Variants in DCAF10 observed in about 807,000 individuals in gnomAD.
The protein encoded by DCAF10 is DDB1- and CUL4-associated factor 10.
In DCAF10, 19 loss-of-function variants were observed where a neutral mutation model predicts 51.9. The ratio of observed to expected loss-of-function variants is 0.37; its 90% CI spans 0.26 to 0.54. The LOEUF (loss-of-function observed/expected upper bound fraction) is 0.54. Among genes scored for constraint, DCAF10 ranks in the 20% least tolerant of loss-of-function variants. The pLI is 0.87. For synonymous variants in DCAF10, 291 were observed against 297.1 expected, an observed-to-expected ratio of 0.98 and a Z score of 0.21; for missense variants, 510 against 730.6, an observed-to-expected ratio of 0.70 and a Z score of 3.48.
chr9:37,828,613 C>A (rs746466105), intron 2 of DCAF10, among the ~76,000 whole-genome samples: 1 of 152,086 alleles, frequency 6.6e-6, no homozygotes, highest in Admixed American at 6.6e-5. Context: ...TTATATAGAA[C>A]AGCAAGAGCG....
chr9:37,852,930 T>TTTTATATATA (rs1486538659), intron 3 of DCAF10, among the ~76,000 whole-genome samples: 6 of 109,814 alleles, frequency 5.5e-5, no homozygotes, highest in Non-Finnish European at 1.1e-4. Flanking sequence ...GTATGTGAGG[T>TTTTATATATA]TATATATATA....
chr9:37,823,423 A>G (rs1829762700), intron 2 of DCAF10, among the ~76,000 whole-genome samples: 2 of 152,216 alleles, frequency 1.3e-5, no homozygotes, highest in East Asian at 3.8e-4. Flanking sequence ...CAGGTTTCTC[A>G]TTAGCAATAG....
Position 37,842,975 on chromosome 9 carries a change from T to C in DCAF10, c.851+689T>C, listed in dbSNP as rs146839742. Reference sequence around the variant, plus strand: ...GCCTGCTTTGCTAGCTATGGTGAAATGATAATATAGTAAACACACCATGAT... The same window carrying C: ...GCCTGCTTTGCTAGCTATGGTGAAACGATAATATAGTAAACACACCATGAT... On this transcript the variant is annotated intron_variant, in intron 3 of 6. Coordinates refer to ENST00000377724, the MANE Select transcript of DCAF10 (RefSeq NM_024345.5). Among the ~76,000 whole-genome samples, 6 of 152,332 alleles carry C rather than the reference T, an allele frequency of 3.9e-5. No individual in the cohort carries two copies. In the East Asian group the frequency reaches 5.8e-4, roughly 15 times the overall value.
intron 2 of DCAF10, among the ~76,000 whole-genome samples, chr9:37,839,587 A>C (rs562809609): frequency 2.7e-4 from 41 of 152,292 alleles, no homozygotes; most frequent in Non-Finnish European, 4.4e-4. Context: ...TAATCACCAT[A>C]GAATAAATCC....
intron 1 of DCAF10, among the ~76,000 whole-genome samples, chr9:37,809,776 T>C (rs1302570032): frequency 1.3e-5 from 2 of 152,070 alleles, no homozygotes; most frequent in African/African-American, 4.8e-5. Flanking sequence ...GAGGTTGCAG[T>C]GAGCCAAGAC....
chr9:37,806,533 C>A (rs1589073018), intron 1 of DCAF10, among the ~76,000 whole-genome samples: 1 of 152,198 alleles, frequency 6.6e-6, no homozygotes, highest in Non-Finnish European at 1.5e-5. Context: ...CCTTTGGGAA[C>A]TACAGCCCCG....
chr9:37,817,182 TA>T (rs955365905), intron 1 of DCAF10, among the ~76,000 whole-genome samples: 2 of 152,298 alleles, frequency 1.3e-5, no homozygotes, highest in East Asian at 1.9e-4. Context: ...ATGTATCTTT[TA>T]AAAAAATATG....
rs1385944403 is a variant in DCAF10 at position 37,862,628 on chromosome 9, T to G, written c.*1120T>G. ...TGGATATCAAGACTAAGTGCTGATA[T>G]GAAGACTTGCCTTTGTGTTTTGTTA... On this transcript the variant is annotated 3_prime_UTR_variant, in exon 7 of 7. Transcript: ENST00000377724. The G allele has an allele frequency of 6.6e-6, 1 of 152,220 alleles. No individual in the cohort carries two copies. Among genetic ancestry groups the G allele is most frequent in the Non-Finnish European group, 1.5e-5 (1 of 68,036 alleles). The allele number at this position is 152,220 out of a possible 1,614,324, so 9.4% of individuals were successfully genotyped here.
intron 1 of DCAF10, among the ~76,000 whole-genome samples, chr9:37,812,977 A>C (rs1262577103): frequency 6.6e-6 from 1 of 152,234 alleles, no homozygotes; most frequent in Non-Finnish European, 1.5e-5. Flanking sequence ...TCATCCAGGA[A>C]GTAATAATTA....
chr9:37,817,182 T>A (rs911807984), intron 1 of DCAF10, among the ~76,000 whole-genome samples: 2 of 152,180 alleles, frequency 1.3e-5, no homozygotes, highest in African/African-American at 4.8e-5. Flanking sequence ...ATGTATCTTT[T>A]AAAAAAATAT....
chr9:37,821,559 T>C (rs1829701352), intron 2 of DCAF10, among the ~76,000 whole-genome samples: 1 of 152,166 alleles, frequency 6.6e-6, no homozygotes, highest in African/African-American at 2.4e-5. Context: ...CAAATGGTGC[T>C]AGGATAATTG....
At chr9:37,809,426 T>G (rs1390664548) in intron 1 of DCAF10, among the ~76,000 whole-genome samples, 4 of 150,094 alleles carry the variant, frequency 2.7e-5, no homozygotes, top group Non-Finnish European at 5.9e-5. Flanking sequence ...ATTAGTGAAA[T>G]TTTAAAAACC....
rs770292432 is a variant in DCAF10, at chr9:37,863,325, CAAAAAAAAAAAAA to C, written c.*1829_*1841del. 7.0e-5 allele frequency: 4 copies of C among 57,426 alleles called. No individual in the cohort carries two copies. Among genetic ancestry groups the C allele is most frequent in the African/African-American group, 1.8e-4 (3 of 16,428 alleles). 3.6% of individuals were successfully genotyped at this position (57,426 alleles called of 1,614,324 possible). A position where few individuals can be genotyped will look rare whatever the true frequency, so the allele number is the denominator to read the frequency against. The stretch of plus-strand genomic sequence containing the variant: ...TAGGCGACAGAGCGAGACTCTGTCT[CAAAAAAAAAAAAA>C]AAAAAAAAAAATTCTTCTCTACCCA... On this transcript the variant is annotated 3_prime_UTR_variant, in exon 7 of 7. Transcript: ENST00000377724.
chr9:37,825,749 T>C (rs1829831244), intron 2 of DCAF10, among the ~76,000 whole-genome samples: 1 of 152,228 alleles, frequency 6.6e-6, no homozygotes, highest in African/African-American at 2.4e-5. Flanking sequence ...CTGGGCACAG[T>C]GGCTTATGCC....
chr9:37,816,408 G>A (rs1829534698), intron 1 of DCAF10, among the ~76,000 whole-genome samples: 1 of 152,142 alleles, frequency 6.6e-6, no homozygotes. Flanking sequence ...GGCTAACATG[G>A]TGAAACCCCG....
intron 2 of DCAF10, among the ~76,000 whole-genome samples, chr9:37,821,327 T>C (rs1829695408): frequency 6.6e-6 from 1 of 152,172 alleles, no homozygotes; most frequent in Admixed American, 6.6e-5. Context: ...CTTTTAAGGA[T>C]GCTCAGAGAA....
At position 37,867,488 on chromosome 9, in the gene DCAF10, C is replaced by A. The variant is rs1831159695; in HGVS notation, c.*5980C>A. The A allele has an allele frequency of 6.6e-6, 1 of 150,956 alleles. No homozygotes were observed. Among genetic ancestry groups the A allele is most frequent in the South Asian group, 2.1e-4 (1 of 4,772 alleles). The allele number at this position is 150,956 out of a possible 1,614,324, so 9.4% of individuals were successfully genotyped here. On this transcript the variant is annotated 3_prime_UTR_variant, in exon 7 of 7. Coordinates refer to ENST00000377724, the MANE Select transcript of DCAF10 (RefSeq NM_024345.5). Reference sequence around the variant, plus strand: ...CATTTTTAGGAAATTTGGAGTATTCCAGACAATATACTAGATACCCAGAAA... The same window carrying A: ...CATTTTTAGGAAATTTGGAGTATTCAAGACAATATACTAGATACCCAGAAA...
intron 2 of DCAF10, among the ~76,000 whole-genome samples, chr9:37,821,576 C>T (rs1350415643): frequency 6.6e-6 from 1 of 152,052 alleles, no homozygotes. Flanking sequence ...ATTGGCTAGC[C>T]ACATGTAGGA....
At chr9:37,811,225 T>C (rs558321048) in intron 1 of DCAF10, among the ~76,000 whole-genome samples, 3 of 152,070 alleles carry the variant, frequency 2.0e-5, no homozygotes, top group Non-Finnish European at 4.4e-5. Context: ...CTAGCTACTC[T>C]GGAGGCTGAG....
Sources: allele counts gnomAD v4.1 joint callset (sites outside exome capture counted in the v4.1 genomes callset), GRCh38; gene constraint gnomAD v4.1.1; transcripts MANE v1.5; gene names NCBI Gene and HGNC (gene_info 2026-07-23, HGNC 2026-07-21).